The following UNC5D variants were observed in gnomAD, a reference collection of about 807,000 sequenced individuals.
UNC5D encodes the protein netrin receptor UNC5D.
A neutral mutation model predicts 105.4 loss-of-function variants in UNC5D; 39 were observed. The ratio of observed to expected loss-of-function variants is 0.37; its 90% CI spans 0.29 to 0.48. The LOEUF (loss-of-function observed/expected upper bound fraction) is 0.48. UNC5D is among the 20% of genes least tolerant of loss of function. UNC5D has a pLI of 0.98. For missense variants in UNC5D, 991 were observed against 1,202.4 expected, an observed-to-expected ratio of 0.82 and a Z score of 2.60; for synonymous variants, 452 against 450.4, an observed-to-expected ratio of 1.00 and a Z score of -0.04.
intron 1 of UNC5D, among the ~76,000 whole-genome samples, chr8:35,325,613 C>T (rs1810088269): frequency 6.6e-6 from 1 of 152,146 alleles, no homozygotes; most frequent in Middle Eastern, 3.2e-3. Flanking sequence ...CTCACCTGAA[C>T]ACACATACAA....
intron 1 of UNC5D, among the ~76,000 whole-genome samples, chr8:35,419,818 A>G (rs1028284182): frequency 1.3e-5 from 2 of 152,154 alleles, no homozygotes; most frequent in Non-Finnish European, 2.9e-5. Context: ...CCTGTGTCCA[A>G]GAAGAATGAG....
chr8:35,326,409 A>G (rs1229176226), intron 1 of UNC5D, among the ~76,000 whole-genome samples: 2 of 152,342 alleles, frequency 1.3e-5, no homozygotes, highest in African/African-American at 2.4e-5. Flanking sequence ...CCCAGCTGGC[A>G]GTAAAGAAGC....
intron 3 of UNC5D, among the ~76,000 whole-genome samples, chr8:35,578,788 A>T (rs2130831861): frequency 6.6e-6 from 1 of 152,330 alleles, no homozygotes; most frequent in Middle Eastern, 3.4e-3. Context: ...CTTAATTAAC[A>T]CATGCACAGT....
chr8:35,651,745 G>A (rs1327476630), intron 4 of UNC5D, among the ~76,000 whole-genome samples: 1 of 151,864 alleles, frequency 6.6e-6, no homozygotes, highest in Admixed American at 6.6e-5. Context: ...TTTGAATTTT[G>A]TATAGGTGAA....
chr8:35,768,190 C>G (rs2131716821), intron 15 of UNC5D, among the ~76,000 whole-genome samples: 1 of 152,178 alleles, frequency 6.6e-6, no homozygotes, highest in South Asian at 2.1e-4. Flanking sequence ...GCAAAATGAG[C>G]ATTGCTAATT....
chr8:35,434,523 C>T (rs1806875173), intron 1 of UNC5D, among the ~76,000 whole-genome samples: 1 of 151,940 alleles, frequency 6.6e-6, no homozygotes, highest in Non-Finnish European at 1.5e-5. Context: ...ACACTATTGG[C>T]TTTTTTGGTA....
intron 6 of UNC5D, among the ~76,000 whole-genome samples, chr8:35,685,157 C>T (rs1170932011): frequency 6.6e-6 from 1 of 152,160 alleles, no homozygotes; most frequent in Non-Finnish European, 1.5e-5. Context: ...AAATGTTTGA[C>T]TCTTTATCAT....
At chr8:35,287,664 C>T (rs1283051562) in intron 1 of UNC5D, among the ~76,000 whole-genome samples, 1 of 151,424 alleles carries the variant, frequency 6.6e-6, no homozygotes, top group Admixed American at 6.6e-5. Flanking sequence ...AAAATTCAGT[C>T]AGGAATGATG....
intron 4 of UNC5D, among the ~76,000 whole-genome samples, chr8:35,665,253 C>G (rs144738105): frequency 6.6e-6 from 1 of 152,192 alleles, no homozygotes; most frequent in Non-Finnish European, 1.5e-5. Context: ...AAAGGAGTTA[C>G]AACTTCCTTT....
intron 16 of UNC5D, among the ~76,000 whole-genome samples, chr8:35,776,506 A>C (rs1245714077): frequency 6.6e-6 from 1 of 152,202 alleles, no homozygotes; most frequent in African/African-American, 2.4e-5. Context: ...TGGGAGACTT[A>C]AGTTTAACAA....
chr8:35,513,738 C>G (rs560752091), intron 1 of UNC5D, among the ~76,000 whole-genome samples: 1 of 152,290 alleles, frequency 6.6e-6, no homozygotes, highest in East Asian at 1.9e-4. Context: ...ATGTTCCAAA[C>G]TCTGATCACA....
rs145419002 is a variant in UNC5D at position 35,506,815 on chromosome 8, G to A, written c.104-42477G>A. On this transcript the variant is annotated intron_variant, in intron 1 of 16. Transcript: ENST00000404895. ...TTGTGTAGGCATCTAAGGACTGCGT[G>A]GAAAAGCCCTGTGAATCTCAAGTGG... Among the ~76,000 whole-genome samples the A allele has an allele frequency of 1.2e-4, 19 of 152,242 alleles. 1 individual carries two copies. In the East Asian group the frequency reaches 3.5e-3, roughly 28 times the overall value.
intron 1 of UNC5D, among the ~76,000 whole-genome samples, chr8:35,448,354 T>G (rs780268334): frequency 1.3e-4 from 20 of 152,060 alleles, no homozygotes; most frequent in Non-Finnish European, 2.5e-4. Flanking sequence ...GCTTTAAAGG[T>G]GATGATGCTG....
At chr8:35,271,865 C>T (rs1563268725) in intron 1 of UNC5D, among the ~76,000 whole-genome samples, 1 of 151,868 alleles carries the variant, frequency 6.6e-6, no homozygotes, top group Non-Finnish European at 1.5e-5. Flanking sequence ...CCTCATGGAG[C>T]TTCCATTTGA....
chr8:35,632,863 G>T lies in UNC5D; in HGVS notation c.570+37206G>T, dbSNP rs544052697. ...CAGCCATCTCTTTTTCTCAGCTACT[G>T]ACTACAGTTTCTTTGGAGCCCCTTT... On this transcript the variant is annotated intron_variant, in intron 4 of 16. Transcript: ENST00000404895. 1.2e-4 allele frequency among the ~76,000 whole-genome samples: 19 copies of T among 152,298 alleles called. No homozygotes were observed. The South Asian group carries it at 2.3e-3, about 18-fold the overall frequency.
At chr8:35,408,398 T>C (rs557675486) in intron 1 of UNC5D, among the ~76,000 whole-genome samples, 2 of 151,544 alleles carry the variant, frequency 1.3e-5, no homozygotes, top group South Asian at 4.2e-4. Context: ...ATGATAGTCT[T>C]AACGCACATC....
At chr8:35,558,329 GGC>G (rs1325191385) in intron 2 of UNC5D, among the ~76,000 whole-genome samples, 10 of 151,630 alleles carry the variant, frequency 6.6e-5, no homozygotes, top group Non-Finnish European at 1.3e-4. Flanking sequence ...GGGGACCTGT[GGC>G]AAAATAATAA....
intron 1 of UNC5D, among the ~76,000 whole-genome samples, chr8:35,332,574 C>T (rs1009924960): frequency 6.6e-6 from 1 of 152,174 alleles, no homozygotes; most frequent in Non-Finnish European, 1.5e-5. Flanking sequence ...ATGATAGTTT[C>T]ATGTGGTTTT....
intron 7 of UNC5D, among the ~76,000 whole-genome samples, chr8:35,689,441 C>T (rs1038922727): frequency 6.6e-6 from 1 of 152,040 alleles, no homozygotes; most frequent in Non-Finnish European, 1.5e-5. Context: ...GAAACAGAAC[C>T]AATAGGATAT....
Sources: gnomAD v4.1 joint callset for allele counts (sites outside exome capture counted in the v4.1 genomes callset) on GRCh38, gnomAD v4.1.1 for gene constraint, MANE v1.5 for transcripts, NCBI Gene and HGNC (gene_info 2026-07-23, HGNC 2026-07-21) for gene names.